Variants in OR51B5 observed in about 807,000 individuals in gnomAD.
OR51B5 encodes olfactory receptor family 51 subfamily B member 5.
For synonymous variants in OR51B5, 186 were observed against 144.8 expected, an observed-to-expected ratio of 1.28 and a Z score of -2.04; for missense variants, 456 against 374.6, an observed-to-expected ratio of 1.22 and a Z score of -1.79.
intron 1 of OR51B5, chr11:5,422,189 C>T (rs1387781510): frequency 3.8e-6 from 6 of 1,564,298 alleles, no homozygotes; most frequent in South Asian, 1.2e-5. Context: ...TCTGAAGACA[C>T]ATTCATCAGT....
intron 1 of OR51B5, among the ~76,000 whole-genome samples, chr11:5,468,049 T>G (rs1298476711): frequency 1.3e-5 from 2 of 152,266 alleles, no homozygotes; most frequent in Admixed American, 6.5e-5. Context: ...AGCTATTACA[T>G]ATCTTTAGTT....
intron 1 of OR51B5, among the ~76,000 whole-genome samples, chr11:5,457,387 G>A (rs753421918): frequency 3.9e-5 from 6 of 152,268 alleles, no homozygotes; most frequent in Non-Finnish European, 8.8e-5. Context: ...ACTGCTGAAG[G>A]GCACCTTGAT....
intron 1 of OR51B5, among the ~76,000 whole-genome samples, chr11:5,415,515 T>G (rs979556918): frequency 6.9e-4 from 105 of 151,548 alleles, no homozygotes; most frequent in Admixed American, 4.7e-3. Flanking sequence ...TCAACAAAAT[T>G]CATAGACAGC....
At chr11:5,423,123 T>C (rs2647573) in intron 1 of OR51B5, 644,044 of 1,601,288 alleles carry the variant, frequency 0.4, 133,004 homozygotes, top group East Asian at 0.68. Context: ...ATGTTAAATT[T>C]CCTTTCCCTC....
intron 1 of OR51B5, among the ~76,000 whole-genome samples, chr11:5,383,082 G>A (rs890788852): frequency 6.7e-6 from 1 of 149,872 alleles, no homozygotes; most frequent in African/African-American, 2.4e-5. Context: ...TGGGGAAGAA[G>A]TACAAGACTA....
intron 1 of OR51B5, among the ~76,000 whole-genome samples, chr11:5,408,358 CCCTT>C (rs1200807560): frequency 5.7e-3 from 350 of 61,210 alleles, no homozygotes; most frequent in African/African-American, 0.011. Context: ...CTCCCTTCCT[CCCTT>C]CCTCCCTCCC....
At chr11:5,385,550 C>G (rs1849675595) in intron 1 of OR51B5, 2 of 152,012 alleles carry the variant, frequency 1.3e-5, no homozygotes, top group African/African-American at 4.8e-5. Context: ...TGTCAGGCTC[C>G]AGGGGCCTTT....
intron 1 of OR51B5, among the ~76,000 whole-genome samples, chr11:5,496,167 G>C (rs1851648033): frequency 2.0e-5 from 3 of 151,916 alleles, no homozygotes; most frequent in African/African-American, 7.3e-5. Flanking sequence ...ACTCTCAATG[G>C]AGGTACCTGC....
chr11:5,490,851 A>G (rs1008114061), intron 1 of OR51B5, among the ~76,000 whole-genome samples: 4 of 152,356 alleles, frequency 2.6e-5, no homozygotes, highest in African/African-American at 9.6e-5. Context: ...TTATAATCTC[A>G]GGAACAAAGC....
chr11:5,446,909 G>A (rs1036653142), intron 1 of OR51B5, among the ~76,000 whole-genome samples: 4 of 152,280 alleles, frequency 2.6e-5, no homozygotes, highest in Non-Finnish European at 4.4e-5. Context: ...GATATAAATC[G>A]TGTTTGATAG....
chr11:5,504,890 G>A (rs1846350054), intron 1 of OR51B5, among the ~76,000 whole-genome samples: 1 of 152,174 alleles, frequency 6.6e-6, no homozygotes, highest in African/African-American at 2.4e-5. Context: ...AATGAAGCTA[G>A]AGCAAGGATT....
intron 1 of OR51B5, among the ~76,000 whole-genome samples, chr11:5,406,395 G>T (rs1850058780): frequency 6.6e-6 from 1 of 152,080 alleles, no homozygotes; most frequent in Non-Finnish European, 1.5e-5. Flanking sequence ...GGTTCAGGAA[G>T]AATCCTAGAA....
chr11:5,491,626 C>G (rs191948723), intron 1 of OR51B5, among the ~76,000 whole-genome samples: 2 of 152,280 alleles, frequency 1.3e-5, no homozygotes, highest in Admixed American at 1.3e-4. Context: ...ACACGGGCAG[C>G]CCTTACAAAT....
At chr11:5,450,396 TAAATG>T (rs1209444722) in intron 1 of OR51B5, among the ~76,000 whole-genome samples, 4 of 151,696 alleles carry the variant, frequency 2.6e-5, no homozygotes, top group Admixed American at 6.6e-5. Flanking sequence ...CTCAAATAAA[TAAATG>T]AATTAATTAA....
At chr11:5,454,411 A>G (rs200812465) in intron 1 of OR51B5, 1 of 1,573,996 alleles carries the variant, frequency 6.4e-7, no homozygotes, top group African/African-American at 2.1e-5. Context: ...CGCATGTTTC[A>G]CCACATCAAA....
intron 1 of OR51B5, chr11:5,422,920 C>A (rs118011081): frequency 6.2e-7 from 1 of 1,614,052 alleles, no homozygotes; most frequent in Admixed American, 1.7e-5. Context: ...TCCGTGCCCT[C>A]AATAACTGCC....
At chr11:5,494,531 TC>T (rs1851621942) in intron 1 of OR51B5, among the ~76,000 whole-genome samples, 1 of 152,176 alleles carries the variant, frequency 6.6e-6, no homozygotes, top group South Asian at 2.1e-4. Context: ...GTGTATATAT[TC>T]CTTTTAGAGT....
intron 1 of OR51B5, among the ~76,000 whole-genome samples, chr11:5,350,789 A>G (rs1042892941): frequency 3.3e-5 from 5 of 152,196 alleles, no homozygotes; most frequent in Non-Finnish European, 5.9e-5. Flanking sequence ...ATCAATAACT[A>G]GGGTTATAAA....
chr11:5,351,666 C>T (rs1460060596), intron 1 of OR51B5: 1 of 1,614,142 alleles, frequency 6.2e-7, no homozygotes, highest in South Asian at 1.1e-5. Flanking sequence ...ATCATAACCT[C>T]CATGAGCCCA....
Sources: gnomAD v4.1 joint callset for allele counts (sites outside exome capture counted in the v4.1 genomes callset) on GRCh38, gnomAD v4.1.1 for gene constraint, MANE v1.5 for transcripts, NCBI Gene and HGNC (gene_info 2026-07-23, HGNC 2026-07-21) for gene names.